Variants in SESN1 observed in about 807,000 individuals in gnomAD.
SESN1 encodes sestrin 1, also known as sestrin-1.
Under a neutral mutation model 59.3 loss-of-function variants are expected in SESN1, and 30 were observed. The ratio of observed to expected loss-of-function variants is 0.51; its 90% confidence interval spans 0.38 to 0.69. The LOEUF (loss-of-function observed/expected upper bound fraction) is 0.69. Ranked by LOEUF, SESN1 falls within the 30% of genes least tolerant of loss-of-function variation. The probability of loss-of-function intolerance (pLI) is 0.00; values close to 1 mark genes in which losing one functional copy is unlikely to be tolerated. For missense variants in SESN1, 566 were observed against 673.0 expected (o/e 0.84, Z 1.76); for synonymous variants, 197 against 219.9 (o/e 0.90, Z 0.92).
At chr6:109,076,618 C>A (rs1201400427) in intron 1 of SESN1, among the ~76,000 whole-genome samples, 1 of 151,962 alleles carries the variant, frequency 6.6e-6, no homozygotes, top group Non-Finnish European at 1.5e-5. Context: ...AAAAAGGAAA[C>A]AAAAATGAGG....
intron 1 of SESN1, among the ~76,000 whole-genome samples, chr6:109,025,990 A>G (rs1174944114): frequency 6.6e-6 from 1 of 152,092 alleles, no homozygotes; most frequent in Non-Finnish European, 1.5e-5. Context: ...CTCATGCAGA[A>G]TAACTTAAAA....
chr6:109,040,657 C>CTTTT (rs34916346), intron 1 of SESN1, among the ~76,000 whole-genome samples: 2 of 142,108 alleles, frequency 1.4e-5, no homozygotes, highest in Non-Finnish European at 1.5e-5. Flanking sequence ...CTAGCATAAT[C>CTTTT]TTTTTTTTTT....
intron 1 of SESN1, among the ~76,000 whole-genome samples, chr6:109,042,299 G>A (rs1780355225): frequency 1.3e-5 from 2 of 151,594 alleles, no homozygotes. Context: ...AGAGCCTAGG[G>A]AAAGAAGAGC....
intron 1 of SESN1, among the ~76,000 whole-genome samples, chr6:109,057,934 G>A (rs982720876): frequency 2.6e-5 from 4 of 152,062 alleles, no homozygotes; most frequent in Admixed American, 6.6e-5. Context: ...CCAAGAGAAG[G>A]AACTGGCTGT....
chr6:109,074,771 A>G (rs1312948496), intron 1 of SESN1, among the ~76,000 whole-genome samples: 2 of 152,240 alleles, frequency 1.3e-5, no homozygotes, highest in Non-Finnish European at 2.9e-5. Context: ...ATAGACACAG[A>G]AGAGATTTGA....
Position 108,987,539 on chromosome 6 carries a change from A to G in SESN1, c.*5T>C, listed in dbSNP as rs770953684. The G allele has an allele frequency of 6.6e-7, 1 of 1,523,534 alleles. No individual in the cohort carries two copies. Among genetic ancestry groups the G allele is most frequent in the East Asian group, 2.3e-5 (1 of 44,364 alleles). 94.4% of individuals were successfully genotyped at this position (1,523,534 alleles called of 1,614,324 possible). On this transcript the variant is annotated 3_prime_UTR_variant, in exon 10 of 10. Coordinates refer to ENST00000436639, the MANE Select transcript of SESN1 (RefSeq NM_014454.3). ...TCCAGAATCATCTTTAATGAAGGAAAGGCATCAGGTCATATAGCGGGTAAT... is the reference window on the plus strand; with the variant it reads ...TCCAGAATCATCTTTAATGAAGGAAGGGCATCAGGTCATATAGCGGGTAAT...
chr6:109,058,460 T>A (rs1039299700), intron 1 of SESN1, among the ~76,000 whole-genome samples: 14 of 152,170 alleles, frequency 9.2e-5, no homozygotes, highest in African/African-American at 3.4e-4. Context: ...GTAAGTACAC[T>A]CTGTGATGTT....
chr6:109,005,848 G>A (rs1779720990), intron 1 of SESN1, among the ~76,000 whole-genome samples: 1 of 152,164 alleles, frequency 6.6e-6, no homozygotes, highest in Non-Finnish European at 1.5e-5. Context: ...ACAAACGTGA[G>A]TCTTTTGTTA....
chr6:109,069,170 A>T (rs992569202), intron 1 of SESN1, among the ~76,000 whole-genome samples: 1 of 152,196 alleles, frequency 6.6e-6, no homozygotes, highest in East Asian at 1.9e-4. Flanking sequence ...AGAGAAGGCC[A>T]TCGTGGCAAA....
At position 109,001,455 on chromosome 6, in the gene SESN1, G is replaced by C. The variant is rs1399505254; in HGVS notation, c.379C>G (p.His127Asp). 1 of 1,613,584 alleles carries C rather than the reference G, an allele frequency of 6.2e-7. No homozygotes were observed. The highest frequency in any genetic ancestry group is 1.3e-5 in the African/African-American group (1 of 74,888). Residue 127 changes from histidine to aspartate, a missense_variant, in exon 3 of 10, where the codon CAT (histidine) becomes GAT (aspartate). Coordinates refer to ENST00000436639, the MANE Select transcript of SESN1 (RefSeq NM_014454.3). ...GCAAAAGAATCTGCAAATAAAGCATGCATCTGTGCGTCTTCACTCCCCACT... is the reference window on the plus strand; with the variant it reads ...GCAAAAGAATCTGCAAATAAAGCATCCATCTGTGCGTCTTCACTCCCCACT... Reference protein sequence around the residue: ...LQVGSEDAQMHALFADSFAAL... With the variant: ...LQVGSEDAQMDALFADSFAAL...
chr6:109,003,517 C>A (rs754995722), intron 1 of SESN1, among the ~76,000 whole-genome samples: 7 of 152,008 alleles, frequency 4.6e-5, no homozygotes, highest in Non-Finnish European at 8.8e-5. Context: ...TATTAGGAGA[C>A]ATCAAGATTC....
chr6:109,036,621 TA>T (rs958889854), intron 1 of SESN1, among the ~76,000 whole-genome samples: 7 of 152,248 alleles, frequency 4.6e-5, no homozygotes, highest in East Asian at 1.9e-4. Context: ...TATGATATGA[TA>T]AAAAAAATTT....
chr6:109,045,967 G>A (rs1037870500), intron 1 of SESN1, among the ~76,000 whole-genome samples: 1 of 152,162 alleles, frequency 6.6e-6, no homozygotes, highest in African/African-American at 2.4e-5. Context: ...TGAAAAAAGC[G>A]TATTCTGTCT....
chr6:109,016,515 T>C (rs1445673707), intron 1 of SESN1, among the ~76,000 whole-genome samples: 2 of 152,166 alleles, frequency 1.3e-5, no homozygotes. Flanking sequence ...TGAGCACAAG[T>C]ACAAGGCCAA....
At chr6:109,051,166 A>C (rs539921028) in intron 1 of SESN1, among the ~76,000 whole-genome samples, 32 of 152,126 alleles carry the variant, frequency 2.1e-4, no homozygotes, top group East Asian at 7.7e-4. Context: ...AAAACAACAA[A>C]AAAAAACTCA....
At chr6:109,032,462 C>CA (rs1397843600) in intron 1 of SESN1, among the ~76,000 whole-genome samples, 17 of 151,206 alleles carry the variant, frequency 1.1e-4, no homozygotes, top group South Asian at 1.0e-3. Flanking sequence ...ACTAAAAATA[C>CA]AAAAAATTAG....
chr6:109,082,997 T>G (rs1781151598), intron 1 of SESN1, among the ~76,000 whole-genome samples: 1 of 152,212 alleles, frequency 6.6e-6, no homozygotes, highest in Admixed American at 6.5e-5. Flanking sequence ...GTTCAAATAA[T>G]TCTCAAACCC....
At chr6:109,076,905 T>C (rs930672181) in intron 1 of SESN1, among the ~76,000 whole-genome samples, 1 of 152,236 alleles carries the variant, frequency 6.6e-6, no homozygotes, top group Non-Finnish European at 1.5e-5. Flanking sequence ...TTATGTGATC[T>C]AATCTTTGTG....
intron 4 of SESN1, among the ~76,000 whole-genome samples, chr6:108,999,426 C>T (rs1779570349): frequency 6.6e-6 from 1 of 151,868 alleles, no homozygotes; most frequent in Non-Finnish European, 1.5e-5. Flanking sequence ...TAGATAAGAC[C>T]AAAAGATGCA....
Sources: allele counts gnomAD v4.1 joint callset (sites outside exome capture counted in the v4.1 genomes callset), GRCh38; gene constraint gnomAD v4.1.1; transcripts MANE v1.5; gene names NCBI Gene and HGNC (gene_info 2026-07-23, HGNC 2026-07-21).